Variants in TJP1 observed in about 807,000 individuals in gnomAD.
TJP1 encodes the protein tight junction protein 1.
Under a neutral mutation model 194.2 loss-of-function variants are expected in TJP1, and 43 were observed. The ratio of observed to expected loss-of-function variants is 0.22; its 90% CI spans 0.17 to 0.29. TJP1 has a LOEUF of 0.29. TJP1 is among the 10% of genes least tolerant of loss of function. The pLI is 1.00. For missense variants in TJP1, 1,971 were observed against 2,185.7 expected (o/e 0.90, Z 1.96); for synonymous variants, 801 against 779.0 (o/e 1.03, Z -0.47).
intron 2 of TJP1, among the ~76,000 whole-genome samples, chr15:29,954,551 T>C (rs1376158783): frequency 6.6e-6 from 1 of 152,226 alleles, no homozygotes; most frequent in African/African-American, 2.4e-5. Context: ...AGTACATTTA[T>C]ATTTTCTTTA....
intron 2 of TJP1, among the ~76,000 whole-genome samples, chr15:29,901,139 A>G (rs1173543596): frequency 6.6e-6 from 1 of 152,168 alleles, no homozygotes. Context: ...AAGGTGATAG[A>G]GAAGGGCATT....
intron 2 of TJP1, among the ~76,000 whole-genome samples, chr15:29,895,761 TAAC>T (rs2053456886): frequency 6.6e-6 from 1 of 152,230 alleles, no homozygotes; most frequent in African/African-American, 2.4e-5. Context: ...GCATTTGTTA[TAAC>T]AACAACCACA....
At chr15:29,966,802 A>G (rs1160379385) in intron 1 of TJP1, among the ~76,000 whole-genome samples, 1 of 152,094 alleles carries the variant, frequency 6.6e-6, no homozygotes, top group African/African-American at 2.4e-5. Context: ...CTCAGGAGAA[A>G]AGCAAAATGG....
chr15:29,841,582 T>C (rs990928730), intron 2 of TJP1, among the ~76,000 whole-genome samples: 4 of 152,198 alleles, frequency 2.6e-5, no homozygotes, highest in African/African-American at 9.6e-5. Context: ...GATTTAGTGA[T>C]GTCTTGTCAT....
chr15:29,855,039 T>C (rs1341378261), intron 2 of TJP1, among the ~76,000 whole-genome samples: 1 of 152,234 alleles, frequency 6.6e-6, no homozygotes, highest in Non-Finnish European at 1.5e-5. Context: ...TGAGTTAATT[T>C]GATACTTCCA....
At chr15:29,931,364 A>T (rs2054707193) in intron 2 of TJP1, among the ~76,000 whole-genome samples, 1 of 152,194 alleles carries the variant, frequency 6.6e-6, no homozygotes, top group Non-Finnish European at 1.5e-5. Flanking sequence ...TCAAGGGTCA[A>T]CTGTAAGTCA....
At chr15:29,905,737 G>C (rs1011603029) in intron 2 of TJP1, among the ~76,000 whole-genome samples, 1 of 152,124 alleles carries the variant, frequency 6.6e-6, no homozygotes, top group Non-Finnish European at 1.5e-5. Context: ...AATTAAATAC[G>C]TATTTGGTTT....
At chr15:29,780,565 C>T (rs1337479725) in intron 2 of TJP1, among the ~76,000 whole-genome samples, 2 of 152,078 alleles carry the variant, frequency 1.3e-5, no homozygotes, top group African/African-American at 2.4e-5. Context: ...TCTCTGTGGC[C>T]TGGGGGATGG....
At chr15:29,952,430 A>G (rs1193279374) in intron 2 of TJP1, among the ~76,000 whole-genome samples, 1 of 152,118 alleles carries the variant, frequency 6.6e-6, no homozygotes, top group African/African-American at 2.4e-5. Context: ...CCACAGAGAA[A>G]GCTGAAACAA....
Position 29,822,085 on chromosome 15 carries a change from GCC to G in TJP1, c.-59_-58del. On this transcript the variant is annotated 5_prime_UTR_variant, in exon 1 of 28. Coordinates refer to ENST00000614355, the MANE Select transcript of TJP1 (RefSeq NM_001330239.4). The stretch of plus-strand genomic sequence containing the variant: ...TCGGACCCGAAACTCCGCGGCGCTG[GCC>G]CGCCCGCTCCTCACGCCACAGCCCA... 8.1e-7 allele frequency: 1 copy of G among 1,241,928 alleles called. No individual in the cohort carries two copies. The highest frequency in any genetic ancestry group is 1.0e-6 in the Non-Finnish European group (1 of 992,422). The allele number at this position is 1,241,928 out of a possible 1,614,324, so 76.9% of individuals were successfully genotyped here.
intron 26 of TJP1, 36 bp downstream of exon 26, chr15:29,705,492 G>C: frequency 6.2e-7 from 1 of 1,604,400 alleles, no homozygotes; most frequent in Non-Finnish European, 8.5e-7. Context: ...CAACTCTTAA[G>C]TTATCAAAAC....
At position 29,759,958 on chromosome 15, in the gene TJP1, A is replaced by C. The variant is rs78932599; in HGVS notation, c.1010+1181T>G. 3,070 of 442,082 alleles carry C rather than the reference A, an allele frequency of 6.9e-3. 137 individuals are homozygous for C. In the East Asian group the frequency reaches 0.085, roughly 12 times the overall value. 27.4% of individuals were successfully genotyped at this position (442,082 alleles called of 1,614,324 possible). On this transcript the variant is annotated intron_variant, in intron 8 of 27. Coordinates refer to ENST00000614355, the MANE Select transcript of TJP1 (RefSeq NM_001330239.4). ...GATATCTCTTCGAGACAGTGATTTC[A>C]TTTCCTTTGGATATGTACCCAGAAG...
At chr15:29,771,948 A>T (rs1338361457) in intron 4 of TJP1, 116 bp downstream of exon 4, 1 of 637,754 alleles carries the variant, frequency 1.6e-6, no homozygotes, top group African/African-American at 1.9e-5. Context: ...TAAACAAATA[A>T]CTTTGGAACT....
At chr15:29,754,832 C>T (rs1292151879) in intron 8 of TJP1, among the ~76,000 whole-genome samples, 1 of 152,156 alleles carries the variant, frequency 6.6e-6, no homozygotes, top group Non-Finnish European at 1.5e-5. Flanking sequence ...GGATTTTGCA[C>T]TTTCAGATTA....
chr15:29,813,996 T>C (rs1482965520), intron 1 of TJP1, among the ~76,000 whole-genome samples: 1 of 152,250 alleles, frequency 6.6e-6, no homozygotes, highest in East Asian at 1.9e-4. Context: ...CTTGTCAGTA[T>C]ATTCAAGGAG....
In TJP1 at chr15:29,732,344, C is replaced by CT. The variant is rs1444762303; in HGVS notation, c.2017+88dup. On this transcript the variant is annotated intron_variant, in intron 15 of 27. Coordinates refer to ENST00000614355, the MANE Select transcript of TJP1 (RefSeq NM_001330239.4). ...TGCTAATTTTTCACTGACAAAAAGT[C>CT]TTATTTTTATTGAATGAGTGAATCA... The CT allele has an allele frequency of 2.2e-5, 26 of 1,179,928 alleles. No individual in the cohort carries two copies. In the African/African-American group the frequency reaches 4.0e-4, roughly 18 times the overall value. 73.1% of individuals were successfully genotyped at this position (1,179,928 alleles called of 1,614,324 possible). A position where few individuals can be genotyped will look rare whatever the true frequency, so the allele number is the denominator to read the frequency against.
chr15:29,964,175 A>G (rs2056256155), intron 1 of TJP1, among the ~76,000 whole-genome samples: 1 of 152,180 alleles, frequency 6.6e-6, no homozygotes, highest in Non-Finnish European at 1.5e-5. Context: ...ATCATCCTGG[A>G]TCATCCAGGT....
intron 11 of TJP1, among the ~76,000 whole-genome samples, chr15:29,734,621 T>C (rs928805144): frequency 6.6e-6 from 1 of 151,884 alleles, no homozygotes; most frequent in African/African-American, 2.4e-5. Context: ...GTAGCTGGGA[T>C]TGCAGGTGCC....
chr15:29,765,707 A>G (rs2046289427), intron 5 of TJP1, among the ~76,000 whole-genome samples: 2 of 152,140 alleles, frequency 1.3e-5, no homozygotes, highest in South Asian at 4.1e-4. Context: ...CTTGGGCAAC[A>G]CGGCAAAAAC....
Sources: allele counts gnomAD v4.1 joint callset (sites outside exome capture counted in the v4.1 genomes callset), GRCh38; gene constraint gnomAD v4.1.1; transcripts MANE v1.5; gene names NCBI Gene and HGNC (gene_info 2026-07-23, HGNC 2026-07-21).